Variants in NGLY1 observed in about 807,000 individuals in gnomAD.
NGLY1 encodes the protein peptide-N(4)-(N-acetyl-beta-glucosaminyl)asparagine amidase.
In NGLY1, 68 loss-of-function variants were observed where a neutral mutation model predicts 84.6. The ratio of observed to expected loss-of-function variants is 0.80; its 90% confidence interval spans 0.66 to 0.98. The LOEUF is 0.98. NGLY1 is among the 50% of genes least tolerant of loss of function. The probability of loss-of-function intolerance (pLI) is 0.00; values close to 1 mark genes in which losing one functional copy is unlikely to be tolerated. For missense variants in NGLY1, 779 were observed against 770.2 expected (o/e 1.01, Z -0.14); for synonymous variants, 280 against 275.2 (o/e 1.02, Z -0.17).
chr3:25,745,473 A>G (rs1283690602), intron 4 of NGLY1, among the ~76,000 whole-genome samples: 2 of 152,128 alleles, frequency 1.3e-5, no homozygotes, highest in African/African-American at 2.4e-5. Flanking sequence ...TAGGCACCTC[A>G]ACTCACTCTT....
Position 25,730,646 on chromosome 3 carries a change from T to A in NGLY1, c.1426-1328A>T, listed in dbSNP as rs1442567820. ...ATTTGAATTATTTGTTGAATTTGGA[T>A]CTTGTAATCCTATGGCTGAACCAAC... On this transcript the variant is annotated intron_variant, in intron 9 of 11. Coordinates refer to ENST00000280700, the MANE Select transcript of NGLY1 (RefSeq NM_018297.4). The A allele has an allele frequency of 3.3e-5, 5 of 152,288 alleles. No individual in the cohort carries two copies. In the East Asian group the frequency reaches 7.7e-4, roughly 23 times the overall value. 9.4% of individuals were successfully genotyped at this position (152,288 alleles called of 1,614,324 possible). A position where few individuals can be genotyped will look rare whatever the true frequency, so the allele number is the denominator to read the frequency against.
chr3:25,720,979 A>G (rs545739810), intron 10 of NGLY1, among the ~76,000 whole-genome samples: 1 of 152,322 alleles, frequency 6.6e-6, no homozygotes, highest in Admixed American at 6.5e-5. Context: ...TCTTGGAAAG[A>G]AACCCCTTCC....
At chr3:25,787,463 C>A (rs1708629975), upstream of NGLY1, among the ~76,000 whole-genome samples, 1 of 152,120 alleles carries the variant, frequency 6.6e-6, no homozygotes, top group African/African-American at 2.4e-5. Flanking sequence ...TCTAAAGCAC[C>A]CATCTGATCA....
intron 10 of NGLY1, among the ~76,000 whole-genome samples, chr3:25,721,069 T>C (rs1175960231): frequency 1.3e-5 from 2 of 152,226 alleles, no homozygotes; most frequent in Admixed American, 6.5e-5. Flanking sequence ...ACAATTCCAA[T>C]TGCTCTGACC....
In NGLY1 at chr3:25,729,157, T is replaced by C. The variant is rs2125459506; in HGVS notation, c.1587A>G (p.Arg529=). ...NGVWKMESIF[R]KVETDWHMVY... is the part of the protein sequence containing the mutation. ...CCATGTGCCAGTCTGTTTCAACTTT[T>C]CTGAATATAGATTCCATTTTCCACA... Residue 529 remains arginine, a synonymous_variant, in exon 10 of 12, where the codon AGA becomes AGG. Transcript: ENST00000280700. 1 of 1,526,762 alleles carries C rather than the reference T, an allele frequency of 6.5e-7. No homozygotes were observed. Among genetic ancestry groups the C allele is most frequent in the Middle Eastern group, 1.7e-4 (1 of 5,750 alleles). The allele number at this position is 1,526,762 out of a possible 1,614,324, so 94.6% of individuals were successfully genotyped here. A position where few individuals can be genotyped will look rare whatever the true frequency, so the allele number is the denominator to read the frequency against.
At chr3:25,779,988 A>G (rs1559561387) in intron 1 of NGLY1, among the ~76,000 whole-genome samples, 1 of 152,238 alleles carries the variant, frequency 6.6e-6, no homozygotes, top group Non-Finnish European at 1.5e-5. Flanking sequence ...ATAAAAATGA[A>G]GCAAGAAGTA....
intron 6 of NGLY1, 55 bp downstream of exon 6, chr3:25,737,279 C>T (rs1705876680): frequency 1.4e-6 from 2 of 1,466,472 alleles, no homozygotes; most frequent in Non-Finnish European, 1.8e-6. Context: ...AATGTAAACC[C>T]AAACCTGCAA....
At chr3:25,743,261 T>C (rs1007448155) in intron 4 of NGLY1, among the ~76,000 whole-genome samples, 1 of 152,178 alleles carries the variant, frequency 6.6e-6, no homozygotes, top group Non-Finnish European at 1.5e-5. Flanking sequence ...TTTCTTTTTA[T>C]TTCACCAAGT....
At chr3:25,757,642 A>G (rs1707108783) in intron 3 of NGLY1, among the ~76,000 whole-genome samples, 1 of 152,250 alleles carries the variant, frequency 6.6e-6, no homozygotes, top group South Asian at 2.1e-4. Context: ...GTCTAATGAT[A>G]GCATTAATAA....
intron 6 of NGLY1, 99 bp from the exon 7 acceptor site, chr3:25,736,248 G>A: frequency 3.2e-6 from 5 of 1,554,662 alleles, no homozygotes; most frequent in Non-Finnish European, 4.4e-6. Flanking sequence ...ATAAAGTAAT[G>A]CATAATATTC....
At chr3:25,729,100 A>G in intron 10 of NGLY1, 33 bp downstream of exon 10, 2 of 1,333,412 alleles carry the variant, frequency 1.5e-6, no homozygotes, top group Non-Finnish European at 2.0e-6. Context: ...AAACAATGAC[A>G]AAAGTTTTAA....
At chr3:25,759,920 ACACAC>A (rs1707225862) in intron 3 of NGLY1, among the ~76,000 whole-genome samples, 3 of 134,936 alleles carry the variant, frequency 2.2e-5, no homozygotes, top group South Asian at 2.1e-4. Flanking sequence ...TTAAAAAAAC[ACACAC>A]ACACACACAC....
upstream of NGLY1, among the ~76,000 whole-genome samples, chr3:25,784,358 C>CG (rs1708557211): frequency 6.6e-6 from 1 of 152,080 alleles, no homozygotes; most frequent in Non-Finnish European, 1.5e-5. Flanking sequence ...TATAGAATGT[C>CG]GGGGGCGGGA....
intron 10 of NGLY1, among the ~76,000 whole-genome samples, chr3:25,721,644 G>C (rs1184482768): frequency 1.3e-5 from 2 of 148,362 alleles, no homozygotes; most frequent in East Asian, 4.0e-4. Flanking sequence ...AGCTATTCAG[G>C]AGGCTGAGGC....
chr3:25,743,018 G>A (rs1706232822), intron 4 of NGLY1, among the ~76,000 whole-genome samples: 1 of 151,434 alleles, frequency 6.6e-6, no homozygotes, highest in African/African-American at 2.4e-5. Flanking sequence ...AGTAAATGGA[G>A]ATTTTACACA....
intron 9 of NGLY1, among the ~76,000 whole-genome samples, chr3:25,731,770 A>G (rs1299824180): frequency 6.6e-6 from 1 of 152,188 alleles, no homozygotes; most frequent in African/African-American, 2.4e-5. Flanking sequence ...ACGTTGCAAC[A>G]TGTATCTCAC....
chr3:25,756,660 T>C (rs1371128832), intron 3 of NGLY1, among the ~76,000 whole-genome samples: 4 of 152,232 alleles, frequency 2.6e-5, no homozygotes, highest in African/African-American at 9.6e-5. Flanking sequence ...TTTTACCACA[T>C]ACACGTATGT....
chr3:25,760,697 T>TA (rs1173534803), intron 3 of NGLY1, among the ~76,000 whole-genome samples: 1 of 151,844 alleles, frequency 6.6e-6, no homozygotes, highest in Non-Finnish European at 1.5e-5. Context: ...CCGTCTCTAC[T>TA]AAAAATACTA....
At chr3:25,761,586 G>A (rs1377211562) in intron 3 of NGLY1, among the ~76,000 whole-genome samples, 2 of 152,076 alleles carry the variant, frequency 1.3e-5, no homozygotes, top group Non-Finnish European at 2.9e-5. Context: ...ACTAAGAAAC[G>A]GGAAGCCTCA....
Sources: gnomAD v4.1 joint callset for allele counts (sites outside exome capture counted in the v4.1 genomes callset) on GRCh38, gnomAD v4.1.1 for gene constraint, MANE v1.5 for transcripts, NCBI Gene and HGNC (gene_info 2026-07-23, HGNC 2026-07-21) for gene names.